Variants in NAALADL2 observed in about 807,000 individuals in gnomAD.
The protein encoded by NAALADL2 is N-acetylated alpha-linked acidic dipeptidase like 2, also known as inactive N-acetylated-alpha-linked acidic dipeptidase-like protein 2.
A neutral mutation model predicts 87.2 loss-of-function variants in NAALADL2; 76 were observed. The observed-to-expected ratio is 0.87, with a 90% CI of 0.72 to 1.05. The LOEUF (loss-of-function observed/expected upper bound fraction) is 1.05. NAALADL2 is among the 50% of genes least tolerant of loss of function. The pLI, the probability that NAALADL2 is intolerant of heterozygous loss-of-function variation, is 0.00. For missense variants in NAALADL2, 1,089 were observed against 945.8 expected, an observed-to-expected ratio of 1.15 and a Z score of -1.99; for synonymous variants, 354 against 331.0, an observed-to-expected ratio of 1.07 and a Z score of -0.75.
chr3:175,437,715 A>G (rs1180939150), intron 5 of NAALADL2, among the ~76,000 whole-genome samples: 1 of 151,946 alleles, frequency 6.6e-6, no homozygotes, highest in African/African-American at 2.4e-5. Flanking sequence ...ACAAGGCTAC[A>G]GTAACCAAAA....
intron 1 of NAALADL2, among the ~76,000 whole-genome samples, chr3:174,933,660 A>G (rs1046045317): frequency 6.6e-6 from 1 of 152,214 alleles, no homozygotes; most frequent in African/African-American, 2.4e-5. Context: ...TTGTGTTGCC[A>G]ACTAAGTAAC....
At chr3:174,849,397 T>C in intron 3 of NAALADL2, among the ~76,000 whole-genome samples, 1 of 152,154 alleles carries the variant, frequency 6.6e-6, no homozygotes. Context: ...TATATGCTTT[T>C]GTTCTATTTT....
In NAALADL2 at chr3:175,400,792, C is replaced by T. The variant is rs181506134; in HGVS notation, c.1091-46437C>T. Among the ~76,000 whole-genome samples the T allele has an allele frequency of 4.1e-3, 619 of 152,166 alleles. 7 individuals carry two copies. The highest frequency in any genetic ancestry group is 0.014 in the African/African-American group (597 of 41,548). ...TGTAACTATCATAAATGTCATTCAT[C>T]AATCCAGCATTATTTTCAACTGGGC... On this transcript the variant is annotated intron_variant, in intron 5 of 13. Coordinates refer to ENST00000454872, the MANE Select transcript of NAALADL2 (RefSeq NM_207015.3).
chr3:174,751,046 T>G (rs1460063554), intron 3 of NAALADL2, among the ~76,000 whole-genome samples: 1 of 152,152 alleles, frequency 6.6e-6, no homozygotes, highest in Non-Finnish European at 1.5e-5. Flanking sequence ...AAATATATAA[T>G]TTTTAAATCT....
intron 2 of NAALADL2, among the ~76,000 whole-genome samples, chr3:174,725,940 A>C (rs1016435823): frequency 1.3e-5 from 2 of 152,176 alleles, no homozygotes; most frequent in African/African-American, 2.4e-5. Context: ...TAAAGGAGCA[A>C]GTGAATTGTT....
chr3:174,852,977 G>T (rs1222133547), intron 3 of NAALADL2, among the ~76,000 whole-genome samples: 1 of 152,004 alleles, frequency 6.6e-6, no homozygotes, highest in Non-Finnish European at 1.5e-5. Context: ...TCTCTTCAAT[G>T]AATGATGCTG....
chr3:174,870,774 G>A (rs1405226664), intron 1 of NAALADL2, among the ~76,000 whole-genome samples: 1 of 151,984 alleles, frequency 6.6e-6, no homozygotes, highest in Non-Finnish European at 1.5e-5. Context: ...TACCATTTAT[G>A]TCCATATGCA....
At chr3:175,545,794 T>C (rs1190772084) in intron 9 of NAALADL2, among the ~76,000 whole-genome samples, 3 of 152,182 alleles carry the variant, frequency 2.0e-5, no homozygotes, top group Non-Finnish European at 4.4e-5. Context: ...CTGAAAGATC[T>C]GCACATAGAA....
intron 5 of NAALADL2, among the ~76,000 whole-genome samples, chr3:175,354,429 A>G (rs879320784): frequency 6.6e-6 from 1 of 152,184 alleles, no homozygotes; most frequent in Non-Finnish European, 1.5e-5. Context: ...TAATACTATT[A>G]GTAATACTCA....
intron 11 of NAALADL2, among the ~76,000 whole-genome samples, chr3:175,713,245 TACA>T (rs1219733698): frequency 3.9e-5 from 6 of 152,136 alleles, no homozygotes; most frequent in Admixed American, 6.6e-5. Flanking sequence ...AGTTCAAGAC[TACA>T]ACAATTTAAA....
chr3:174,935,095 C>G (rs1228155414), intron 1 of NAALADL2, among the ~76,000 whole-genome samples: 1 of 151,988 alleles, frequency 6.6e-6, no homozygotes, highest in Non-Finnish European at 1.5e-5. Flanking sequence ...TGAAAAGACT[C>G]ACAAATTCAA....
At chr3:175,732,760 A>T (rs1384365748) in intron 11 of NAALADL2, among the ~76,000 whole-genome samples, 2 of 152,098 alleles carry the variant, frequency 1.3e-5, no homozygotes, top group African/African-American at 4.8e-5. Context: ...AACATTGGGG[A>T]TAAGACTCTG....
chr3:174,449,926 T>A (rs1163010325), intron 1 of NAALADL2, among the ~76,000 whole-genome samples: 1 of 152,124 alleles, frequency 6.6e-6, no homozygotes, highest in Non-Finnish European at 1.5e-5. Context: ...AAACATTAAT[T>A]CCAGATCATT....
At chr3:174,942,711 C>T (rs1738806403) in intron 1 of NAALADL2, among the ~76,000 whole-genome samples, 1 of 152,062 alleles carries the variant, frequency 6.6e-6, no homozygotes, top group Non-Finnish European at 1.5e-5. Context: ...TCCCATATTT[C>T]TTGGAGGTTT....
chr3:175,030,999 G>T (rs1752737239), intron 1 of NAALADL2, among the ~76,000 whole-genome samples: 2 of 151,824 alleles, frequency 1.3e-5, no homozygotes, highest in African/African-American at 4.8e-5. Context: ...TGATATTAAT[G>T]ACTTCTAAAT....
chr3:175,472,341 C>T (rs974880995), intron 9 of NAALADL2, among the ~76,000 whole-genome samples: 3 of 152,050 alleles, frequency 2.0e-5, no homozygotes, highest in Non-Finnish European at 4.4e-5. Context: ...TGTCACTTCT[C>T]GCCTAATTTA....
chr3:175,559,365 T>C (rs1715885378), intron 9 of NAALADL2, among the ~76,000 whole-genome samples: 1 of 152,180 alleles, frequency 6.6e-6, no homozygotes, highest in Non-Finnish European at 1.5e-5. Context: ...TTTCTAAATA[T>C]ATGATCATGT....
At chr3:175,481,584 C>T (rs897105849) in intron 9 of NAALADL2, among the ~76,000 whole-genome samples, 1 of 151,816 alleles carries the variant, frequency 6.6e-6, no homozygotes, top group African/African-American at 2.4e-5. Flanking sequence ...TATTACTCAA[C>T]AGTCACAAGT....
chr3:175,029,147 CT>C (rs1424515583), intron 1 of NAALADL2, among the ~76,000 whole-genome samples: 1 of 151,854 alleles, frequency 6.6e-6, no homozygotes, highest in East Asian at 1.9e-4. Context: ...ACAATGAGGA[CT>C]TTACATGATG....
Sources: gnomAD v4.1 joint callset for allele counts (sites outside exome capture counted in the v4.1 genomes callset) on GRCh38, gnomAD v4.1.1 for gene constraint, MANE v1.5 for transcripts, NCBI Gene and HGNC (gene_info 2026-07-23, HGNC 2026-07-21) for gene names.